The following METTL6 variants were observed in gnomAD, a reference collection of about 807,000 sequenced individuals.
METTL6 encodes the protein methyltransferase 6, tRNA N3-cytidine.
METTL6 carries 22 observed loss-of-function variants against 26.4 expected under a neutral mutation model. The observed-to-expected ratio is 0.83, with a 90% CI of 0.59 to 1.19. The LOEUF is 1.19. METTL6 is among the 50% of genes most tolerant of loss of function. The pLI is 0.00. For missense variants in METTL6, 304 were observed against 324.8 expected, an observed-to-expected ratio of 0.94 and a Z score of 0.49; for synonymous variants, 109 against 116.2, an observed-to-expected ratio of 0.94 and a Z score of 0.40.
chr3:15,384,033 G>T, exon 7 of METTL6: 1 of 343,768 alleles, frequency 2.9e-6, no homozygotes, highest in South Asian at 2.1e-5. Flanking sequence ...AAAACAAAAG[G>T]TCTCTGGATA....
downstream of METTL6, among the ~76,000 whole-genome samples, chr3:15,406,032 C>T (rs375857625): frequency 2.4e-4 from 36 of 151,940 alleles, 3 homozygotes; most frequent in Admixed American, 1.2e-3. Flanking sequence ...TACACACGCA[C>T]ACACACATCA....
chr3:15,421,466 G>A (rs927122546), intron 3 of METTL6, among the ~76,000 whole-genome samples: 1 of 152,136 alleles, frequency 6.6e-6, no homozygotes, highest in African/African-American at 2.4e-5. Flanking sequence ...TAAAGGGTTT[G>A]GGTTTTGTTA....
At chr3:15,398,330 A>T (rs1375470548) in intron 6 of METTL6, among the ~76,000 whole-genome samples, 4 of 152,016 alleles carry the variant, frequency 2.6e-5, no homozygotes, top group African/African-American at 7.3e-5. Flanking sequence ...AGTAGCTGGG[A>T]TTACAGGCGC....
chr3:15,386,132 AG>A (rs1392744263), intron 6 of METTL6, among the ~76,000 whole-genome samples: 4 of 152,188 alleles, frequency 2.6e-5, no homozygotes, highest in African/African-American at 7.2e-5. Flanking sequence ...TTTCTGGCAA[AG>A]GGTGGGCAAT....
At position 15,412,690 on chromosome 3, in the gene METTL6, C is replaced by T. The variant is rs9844979; in HGVS notation, c.674-1253G>A. Among the ~76,000 whole-genome samples the T allele has an allele frequency of 1.7e-3, 261 of 151,638 alleles. 1 individual carries two copies. Among genetic ancestry groups the T allele is most frequent in the African/African-American group, 5.5e-3 (229 of 41,342 alleles). ...TATTTTTAGTAGAGACAAAGTTTCA[C>T]GGTTGCCCAGGCTGGTCTCGAACTC... On this transcript the variant is annotated intron_variant, in intron 5 of 5. Coordinates refer to ENST00000383790, the MANE Select transcript of METTL6 (RefSeq NM_152396.4).
chr3:15,412,488 T>C (rs182907510), intron 5 of METTL6, among the ~76,000 whole-genome samples: 1 of 152,260 alleles, frequency 6.6e-6, no homozygotes, highest in Admixed American at 6.5e-5. Context: ...TGTTTTGTTT[T>C]GTTTTGTTTT....
At chr3:15,414,398 C>T in intron 4 of METTL6, 2 of 1,169,554 alleles carry the variant, frequency 1.7e-6, no homozygotes, top group Non-Finnish European at 2.1e-6. Context: ...CTCTGTCGCC[C>T]AGGCTGGAGT....
intron 3 of METTL6, among the ~76,000 whole-genome samples, chr3:15,422,039 C>T (rs2061622134): frequency 6.6e-6 from 1 of 152,078 alleles, no homozygotes; most frequent in African/African-American, 2.4e-5. Flanking sequence ...CGCTTTTAAT[C>T]CCAGCACTTT....
Position 15,397,443 on chromosome 3 carries a change from G to T in METTL6, c.*12-13256C>A, listed in dbSNP as rs114631753. 5.5e-3 allele frequency among the ~76,000 whole-genome samples: 843 copies of T among 152,212 alleles called. 7 individuals are homozygous for T. The highest frequency in any genetic ancestry group is 0.018 in the African/African-American group (758 of 41,538). ...ACCCCTTGTGCTTCCCCGGGGAGGC[G>T]ATGCCTCACCCTGCTTCGGCTCGGG... On this transcript the variant is annotated intron_variant, in intron 6 of 6. Coordinates refer to the METTL6 transcript ENST00000443029.
At chr3:15,416,074 T>C in intron 3 of METTL6, 132 bp from the exon 4 acceptor site, 2 of 745,410 alleles carry the variant, frequency 2.7e-6, no homozygotes, top group Non-Finnish European at 2.1e-6. Context: ...CAGATAAAAC[T>C]GATTAATAAA....
intron 6 of METTL6, among the ~76,000 whole-genome samples, chr3:15,395,157 G>T (rs1001588729): frequency 8.5e-5 from 13 of 152,122 alleles, no homozygotes; most frequent in Non-Finnish European, 1.6e-4. Flanking sequence ...GGTCTCTAAG[G>T]ACTTGCTTTA....
At chr3:15,408,086 G>A (rs749000056), downstream of METTL6, among the ~76,000 whole-genome samples, 8 of 152,002 alleles carry the variant, frequency 5.3e-5, no homozygotes, top group African/African-American at 1.5e-4. Flanking sequence ...ACTTAAAATC[G>A]TGTAATTTTT....
At chr3:15,414,468 G>GTCTC in intron 4 of METTL6, 1 of 541,370 alleles carries the variant, frequency 1.8e-6, no homozygotes, top group South Asian at 3.5e-5. Context: ...TGATTCTCGT[G>GTCTC]TCTCAGCCTC....
chr3:15,427,614 C>A, upstream of METTL6: 1 of 647,150 alleles, frequency 1.5e-6, no homozygotes, highest in Non-Finnish European at 2.7e-6. Flanking sequence ...CACCCCCACG[C>A]AGAGGAGAGA....
chr3:15,387,816 ATT>A (rs35113760), intron 6 of METTL6, among the ~76,000 whole-genome samples: 28 of 146,538 alleles, frequency 1.9e-4, no homozygotes, highest in African/African-American at 6.5e-4. Flanking sequence ...TGAAAAAAAG[ATT>A]TTTTTTTTTT....
rs116135641 is a variant in METTL6, at chr3:15,419,303, A to C, written c.361-3361T>G. On this transcript the variant is annotated intron_variant, in intron 3 of 5. Transcript: ENST00000383790. Reference sequence around the variant, plus strand: ...ATAAGAAAGAAAATGACAAACCAATAGAAAAATGGGCAGAGGTTATGAATG... The same window carrying C: ...ATAAGAAAGAAAATGACAAACCAATCGAAAAATGGGCAGAGGTTATGAATG... Among the ~76,000 whole-genome samples, 1,279 of 152,356 alleles carry C rather than the reference A, an allele frequency of 8.4e-3. 6 individuals are homozygous for C. The highest frequency in any genetic ancestry group is 0.028 in the African/African-American group (1,157 of 41,570).
Position 15,390,512 on chromosome 3 carries a change from T to C in METTL6, c.*12-6325A>G, listed in dbSNP as rs139118221. The stretch of plus-strand genomic sequence containing the variant: ...AGACAGGATAATTCCCTTGACCTCC[T>C]TGCAGTACTTGCAACTGGGGTGTGG... On this transcript the variant is annotated intron_variant, in intron 6 of 6. Coordinates refer to the METTL6 transcript ENST00000443029. Among the ~76,000 whole-genome samples, 33 of 152,298 alleles carry C rather than the reference T, an allele frequency of 2.2e-4. No individual in the cohort carries two copies. In the East Asian group the frequency reaches 5.8e-3, roughly 27 times the overall value.
At chr3:15,423,430 G>T (rs572005720) in intron 3 of METTL6, among the ~76,000 whole-genome samples, 40 of 152,286 alleles carry the variant, frequency 2.6e-4, no homozygotes, top group African/African-American at 8.9e-4. Context: ...GGACATAAGT[G>T]TAAGAGGTAG....
downstream of METTL6, among the ~76,000 whole-genome samples, chr3:15,407,859 AGAGG>A (rs1269016412): frequency 6.6e-6 from 1 of 152,234 alleles, no homozygotes. Flanking sequence ...TATGGGAACT[AGAGG>A]GAAAGGTTCC....
Sources: gnomAD v4.1 joint callset for allele counts (sites outside exome capture counted in the v4.1 genomes callset) on GRCh38, gnomAD v4.1.1 for gene constraint, MANE v1.5 for transcripts, NCBI Gene and HGNC (gene_info 2026-07-23, HGNC 2026-07-21) for gene names.